The following CAMTA1 variants were observed in gnomAD, a reference collection of about 807,000 sequenced individuals.
CAMTA1 encodes calmodulin-binding transcription activator 1.
Under a neutral mutation model 170.9 loss-of-function variants are expected in CAMTA1, and 27 were observed. That is an observed-to-expected ratio of 0.16 (90% confidence interval 0.12 to 0.22). The LOEUF (loss-of-function observed/expected upper bound fraction) is 0.22. Ranked by LOEUF, CAMTA1 falls within the 10% of genes least tolerant of loss-of-function variation. The probability of loss-of-function intolerance (pLI) is 1.00; values close to 1 mark genes in which losing one functional copy is unlikely to be tolerated. For synonymous variants in CAMTA1, 833 were observed against 891.5 expected (o/e 0.93, Z 1.17); for missense variants, 1,619 against 2,217.2 (o/e 0.73, Z 5.42).
intron 4 of CAMTA1, among the ~76,000 whole-genome samples, chr1:7,125,689 G>C (rs750443008): frequency 2.6e-5 from 4 of 152,152 alleles, no homozygotes; most frequent in Non-Finnish European, 5.9e-5. Flanking sequence ...GGGGCGACTG[G>C]GGGCTGGCGG....
intron 1 of CAMTA1, among the ~76,000 whole-genome samples, chr1:6,809,505 C>G (rs1394591025): frequency 6.6e-6 from 1 of 152,034 alleles, no homozygotes; most frequent in Non-Finnish European, 1.5e-5. Flanking sequence ...GGTCAGCCCC[C>G]TGGGCTTGGG....
chr1:7,579,552 C>CTTTT lies in CAMTA1; in HGVS notation c.511-60826_511-60823dup, dbSNP rs3034816. ...GGTCCACTTTCTTTTCTTTTCTTTT[C>CTTTT]TTTTTTTTTTTTTTTTTTTTTTTTT... On this transcript the variant is annotated intron_variant, in intron 6 of 22. Transcript: ENST00000303635. Among the ~76,000 whole-genome samples, 274 of 79,176 alleles carry CTTTT rather than the reference C, an allele frequency of 3.5e-3. 11 individuals are homozygous for CTTTT. Among genetic ancestry groups the CTTTT allele is most frequent in the African/African-American group, 8.3e-3 (140 of 16,946 alleles). The allele number at this position is 79,176 out of a possible 152,430, so 51.9% of individuals were successfully genotyped here. A position where few individuals can be genotyped will look rare whatever the true frequency, so the allele number is the denominator to read the frequency against.
intron 1 of CAMTA1, among the ~76,000 whole-genome samples, chr1:6,810,799 G>A (rs534432259): frequency 1.8e-4 from 28 of 151,614 alleles, no homozygotes; most frequent in African/African-American, 6.5e-4. Context: ...GCGAGACTCC[G>A]TTTCAAAAAA....
intron 3 of CAMTA1, among the ~76,000 whole-genome samples, chr1:6,938,764 C>T (rs573881047): frequency 1.3e-5 from 2 of 152,254 alleles, no homozygotes; most frequent in African/African-American, 2.4e-5. Context: ...CTCCCTGTGG[C>T]CCATCTGGGA....
At chr1:7,710,699 A>G (rs1185825461) in intron 11 of CAMTA1, among the ~76,000 whole-genome samples, 4 of 151,528 alleles carry the variant, frequency 2.6e-5, no homozygotes, top group African/African-American at 9.7e-5. Flanking sequence ...CAATGATGTC[A>G]TTAGGCCTCC....
intron 3 of CAMTA1, among the ~76,000 whole-genome samples, chr1:6,995,160 T>G (rs1572297671): frequency 2.0e-5 from 3 of 152,214 alleles, no homozygotes; most frequent in South Asian, 4.1e-4. Flanking sequence ...TTTTTCAAAC[T>G]CTTTTTTTTT....
chr1:7,509,355 C>T lies in CAMTA1; in HGVS notation c.510+41454C>T, dbSNP rs574449755. Among the ~76,000 whole-genome samples, 623 of 152,268 alleles carry T rather than the reference C, an allele frequency of 4.1e-3. 3 individuals carry two copies. The highest frequency in any genetic ancestry group is 0.015 in the African/African-American group (603 of 41,550). On this transcript the variant is annotated intron_variant, in intron 6 of 22. Transcript: ENST00000303635. ...TGGCCAGATGACAGAGCTGCCTTCC[C>T]CAGAGCCAGGCAACACTTGGGGGTC...
rs150153952 is a variant in CAMTA1 at position 7,631,029 on chromosome 1, C to T, written c.511-9371C>T. On this transcript the variant is annotated intron_variant, in intron 6 of 22. Transcript: ENST00000303635. ...GGACCTAGATCTGTACCCCAGTTAC[C>T]GGGTGCTCAGCTCCAGGGTCCCTGA... is the stretch of plus-strand genomic sequence containing the variant. 3.0e-3 allele frequency among the ~76,000 whole-genome samples: 457 copies of T among 152,328 alleles called. 2 individuals are homozygous for T. Among genetic ancestry groups the T allele is most frequent in the African/African-American group, 9.9e-3 (411 of 41,570 alleles).
rs1221954968 is a variant in CAMTA1 at position 7,102,727 on chromosome 1, C to T, written c.302+11356C>T. Reference sequence around the variant, plus strand: ...CCTTCCACCTCCAGTGTCATGGGCTCGCTCTAATTAATTCAGTTCACCAGT... The same window carrying T: ...CCTTCCACCTCCAGTGTCATGGGCTTGCTCTAATTAATTCAGTTCACCAGT... On this transcript the variant is annotated intron_variant, in intron 4 of 22. Coordinates refer to ENST00000303635, the MANE Select transcript of CAMTA1 (RefSeq NM_015215.4). Among the ~76,000 whole-genome samples the T allele has an allele frequency of 2.6e-5, 4 of 152,172 alleles. No individual in the cohort carries two copies. In the East Asian group the frequency reaches 7.7e-4, roughly 29 times the overall value.
At chr1:6,907,772 A>G (rs1486427596) in intron 3 of CAMTA1, among the ~76,000 whole-genome samples, 1 of 152,146 alleles carries the variant, frequency 6.6e-6, no homozygotes, top group African/African-American at 2.4e-5. Context: ...CGTGACTGGC[A>G]GACCAGTCAG....
At chr1:7,722,885 AG>A (rs2096658828) in intron 11 of CAMTA1, among the ~76,000 whole-genome samples, 1 of 152,134 alleles carries the variant, frequency 6.6e-6, no homozygotes, top group Non-Finnish European at 1.5e-5. Flanking sequence ...CCAGGAGTTC[AG>A]GACCAGTCTG....
At chr1:7,345,413 T>TGG (rs1306997128) in intron 5 of CAMTA1, among the ~76,000 whole-genome samples, 1 of 152,214 alleles carries the variant, frequency 6.6e-6, no homozygotes, top group Non-Finnish European at 1.5e-5. Context: ...TTAACCCCTT[T>TGG]GGGGATAACC....
In CAMTA1 at chr1:7,249,284, T is replaced by C. The variant is rs1415938347; in HGVS notation, c.303-207T>C. Reference sequence around the variant, plus strand: ...TTAAGCCTATCATTGACACATTTAATTCATTAGGTACCAAATCCAAAGCAA... The same window carrying C: ...TTAAGCCTATCATTGACACATTTAACTCATTAGGTACCAAATCCAAAGCAA... On this transcript the variant is annotated intron_variant, in intron 4 of 22. Transcript: ENST00000303635. The surrounding 1 kb of genome is among the most constrained non-coding windows in gnomAD (Gnocchi z 4.4). Among the ~76,000 whole-genome samples the C allele has an allele frequency of 6.6e-6, 1 of 152,170 alleles. No homozygotes were observed. Among genetic ancestry groups the C allele is most frequent in the Admixed American group, 6.5e-5 (1 of 15,276 alleles).
intron 5 of CAMTA1, among the ~76,000 whole-genome samples, chr1:7,307,599 G>C (rs926507089): frequency 6.6e-6 from 1 of 151,918 alleles, no homozygotes; most frequent in Admixed American, 6.6e-5. Context: ...CCCTTCATCT[G>C]GTTGAGAATA....
rs1157653332 is a variant in CAMTA1, at chr1:7,144,947, G to A, written c.302+53576G>A. Among the ~76,000 whole-genome samples the A allele has an allele frequency of 1.3e-5, 2 of 152,232 alleles. No individual in the cohort carries two copies. Among genetic ancestry groups the A allele is most frequent in the Non-Finnish European group, 2.9e-5 (2 of 68,042 alleles). On this transcript the variant is annotated intron_variant, in intron 4 of 22. Transcript: ENST00000303635. The surrounding 1 kb of genome is among the most constrained non-coding windows in gnomAD (Gnocchi z 4.0). ...TGTTACAAATGCAGACAGGAAGGCCGAGTAACCTCTCAAGCTCTGCAGCGG... is the reference window on the plus strand; with the variant it reads ...TGTTACAAATGCAGACAGGAAGGCCAAGTAACCTCTCAAGCTCTGCAGCGG...
chr1:6,840,145 G>T (rs748841227), intron 3 of CAMTA1, among the ~76,000 whole-genome samples: 2 of 152,160 alleles, frequency 1.3e-5, no homozygotes, highest in African/African-American at 4.8e-5. Flanking sequence ...GTTGCAGTGA[G>T]TCGAGATCGT....
chr1:7,336,308 T>C (rs1415866686), intron 5 of CAMTA1, among the ~76,000 whole-genome samples: 1 of 152,236 alleles, frequency 6.6e-6, no homozygotes, highest in East Asian at 1.9e-4. Context: ...GGCTATTCAG[T>C]TGGGCCATCT....
At chr1:7,074,540 A>T (rs1410702791) in intron 3 of CAMTA1, among the ~76,000 whole-genome samples, 2 of 152,228 alleles carry the variant, frequency 1.3e-5, no homozygotes, top group African/African-American at 4.8e-5. Context: ...CATATTTGAG[A>T]TAATACTGTT....
At chr1:7,430,927 A>G (rs982358627) in intron 5 of CAMTA1, among the ~76,000 whole-genome samples, 2 of 152,262 alleles carry the variant, frequency 1.3e-5, no homozygotes, top group Non-Finnish European at 2.9e-5. Flanking sequence ...TTCTCATTAT[A>G]TTCCCTTTAT....
Sources: allele counts gnomAD v4.1 joint callset (sites outside exome capture counted in the v4.1 genomes callset), GRCh38; gene constraint gnomAD v4.1.1; non-coding constraint Gnocchi (gnomAD v3.1); transcripts MANE v1.5; gene names NCBI Gene and HGNC (gene_info 2026-07-23, HGNC 2026-07-21).